Variants in SLC36A1 observed in about 807,000 individuals in gnomAD.
SLC36A1 encodes the protein proton-coupled amino acid transporter 1.
Under a neutral mutation model 47.5 loss-of-function variants are expected in SLC36A1, and 30 were observed. That is an observed-to-expected ratio of 0.63 (90% CI 0.47 to 0.86). SLC36A1 has a LOEUF of 0.86. SLC36A1 is among the 40% of genes least tolerant of loss of function. SLC36A1 has a pLI of 0.00. For synonymous variants in SLC36A1, 255 were observed against 249.7 expected, an observed-to-expected ratio of 1.02 and a Z score of -0.20; for missense variants, 517 against 606.0, an observed-to-expected ratio of 0.85 and a Z score of 1.54.
chr5:151,437,337 G>A (rs977441275), intron 1 of SLC36A1, among the ~76,000 whole-genome samples: 4 of 152,194 alleles, frequency 2.6e-5, no homozygotes, highest in Non-Finnish European at 4.4e-5. Flanking sequence ...CTTTAAAAAT[G>A]CTCATGTTTA....
At chr5:151,533,823 C>T in the SLC36A1 span, among the ~76,000 whole-genome samples, 548 of 151,760 alleles carry the variant, frequency 3.6e-3, 6 homozygotes, top group African/African-American at 0.013. Flanking sequence ...TATATACAAT[C>T]AGAATAGAAC....
At chr5:151,526,300 T>C in the SLC36A1 span, among the ~76,000 whole-genome samples, 5 of 152,200 alleles carry the variant, frequency 3.3e-5, no homozygotes, top group Non-Finnish European at 7.3e-5. Context: ...TGTATTTAAA[T>C]TAGTTATTAC....
At chr5:151,434,396 A>T (rs946745556), upstream of SLC36A1, among the ~76,000 whole-genome samples, 5 of 152,204 alleles carry the variant, frequency 3.3e-5, no homozygotes, top group Admixed American at 6.5e-5. Context: ...AAAACTGAAT[A>T]TTAATTGAAT....
At chr5:151,542,736 A>G in the SLC36A1 span, 7 of 1,614,212 alleles carry the variant, frequency 4.3e-6, no homozygotes, top group Non-Finnish European at 5.1e-6. Flanking sequence ...GATCAGCCTC[A>G]AATACAGGCC....
At chr5:151,505,253 G>A in the SLC36A1 span, 584 of 421,598 alleles carry the variant, frequency 1.4e-3, 12 homozygotes, top group South Asian at 0.016. Context: ...ACTGAGAGCC[G>A]GCAGATCAGG....
chr5:151,402,909 A>T, the SLC36A1 span, among the ~76,000 whole-genome samples: 2 of 151,902 alleles, frequency 1.3e-5, no homozygotes, highest in Non-Finnish European at 2.9e-5. Context: ...TTCATTATTA[A>T]TCTTGCTAGT....
At chr5:151,433,245 TATATATATATATATATATATA>T (rs1476457435), upstream of SLC36A1, among the ~76,000 whole-genome samples, 13 of 13,372 alleles carry the variant, frequency 9.7e-4, no homozygotes, top group African/African-American at 2.6e-3. Context: ...TATATATATA[TATATATATATATATATATATA>T]TTTTTTTTTT....
chr5:151,453,148 G>A (rs1188351237), intron 1 of SLC36A1, among the ~76,000 whole-genome samples: 9 of 151,806 alleles, frequency 5.9e-5, no homozygotes, highest in Non-Finnish European at 8.8e-5. Flanking sequence ...AGGTTGCAGC[G>A]AGCCAAGATC....
chr5:151,385,037 T>TGTGTGTGAGA, the SLC36A1 span, among the ~76,000 whole-genome samples: 2 of 142,114 alleles, frequency 1.4e-5, no homozygotes, highest in African/African-American at 5.6e-5. Flanking sequence ...TGTGTGTGTG[T>TGTGTGTGAGA]GAGAGAGAGA....
chr5:151,461,737 A>C (rs985060643), intron 2 of SLC36A1, among the ~76,000 whole-genome samples: 8 of 152,352 alleles, frequency 5.3e-5, no homozygotes, highest in Middle Eastern at 3.4e-3. Context: ...TTTCACTGCC[A>C]CACATGCGCA....
chr5:151,522,169 C>G, the SLC36A1 span: 464 of 1,128,220 alleles, frequency 4.1e-4, 1 homozygote, highest in Non-Finnish European at 5.5e-4. Flanking sequence ...CCTTGTGGAG[C>G]TACGTTTCTC....
chr5:151,362,064 T>C, the SLC36A1 span, among the ~76,000 whole-genome samples: 2 of 152,198 alleles, frequency 1.3e-5, no homozygotes, highest in Non-Finnish European at 2.9e-5. Context: ...TTGGGTTGAA[T>C]CTGTTTGTGT....
the SLC36A1 span, among the ~76,000 whole-genome samples, chr5:151,372,796 G>A: frequency 6.6e-6 from 1 of 152,094 alleles, no homozygotes; most frequent in Non-Finnish European, 1.5e-5. Flanking sequence ...GAAATAATCT[G>A]TGAACTTGAT....
At chr5:151,396,601 TTTTA>T in the SLC36A1 span, among the ~76,000 whole-genome samples, 1 of 152,180 alleles carries the variant, frequency 6.6e-6, no homozygotes, top group East Asian at 1.9e-4. Context: ...GTTTTAGATT[TTTTA>T]TTTAAAGAAA....
chr5:151,525,815 C>T, the SLC36A1 span: 1 of 1,614,162 alleles, frequency 6.2e-7, no homozygotes. Context: ...CTTAGGCCCT[C>T]AGCAGTCACC....
At chr5:151,371,891 G>A in the SLC36A1 span, among the ~76,000 whole-genome samples, 90 of 152,136 alleles carry the variant, frequency 5.9e-4, no homozygotes, top group African/African-American at 2.1e-3. Flanking sequence ...TTATGGGAGC[G>A]GGAGACAGGG....
At chr5:151,545,708 G>T in the SLC36A1 span, 3 of 1,613,994 alleles carry the variant, frequency 1.9e-6, no homozygotes, top group Non-Finnish European at 2.5e-6. Context: ...AAGGCCTCCG[G>T]CTCCAAAATT....
At chr5:151,383,290 T>A in the SLC36A1 span, among the ~76,000 whole-genome samples, 1 of 152,170 alleles carries the variant, frequency 6.6e-6, no homozygotes, top group East Asian at 1.9e-4. Flanking sequence ...CGACAGCAGA[T>A]CACTGTTTCC....
chr5:151,546,664 CT>C, the SLC36A1 span, among the ~76,000 whole-genome samples: 1,470 of 152,136 alleles, frequency 9.7e-3, 21 homozygotes, highest in African/African-American at 0.034. Context: ...TCAGTGATGC[CT>C]TTTGTAGGAA....
Sources: gnomAD v4.1 joint callset for allele counts (sites outside exome capture counted in the v4.1 genomes callset) on GRCh38, gnomAD v4.1.1 for gene constraint, MANE v1.5 for transcripts, NCBI Gene and HGNC (gene_info 2026-07-23, HGNC 2026-07-21) for gene names.